The following IL1RAPL2 variants were observed in gnomAD, a reference collection of about 807,000 sequenced individuals.
IL1RAPL2 encodes X-linked interleukin-1 receptor accessory protein-like 2.
In IL1RAPL2, 3 loss-of-function variants were observed where a neutral mutation model predicts 44.1. The observed-to-expected ratio is 0.07, with a 90% CI of 0.03 to 0.18. IL1RAPL2 has a LOEUF of 0.18. IL1RAPL2 is among the 10% of genes least tolerant of loss of function. The pLI, the probability that IL1RAPL2 is intolerant of heterozygous loss-of-function variation, is 1.00. For synonymous variants in IL1RAPL2, 181 were observed against 178.8 expected (o/e 1.01, Z -0.10); for missense variants, 391 against 496.4 (o/e 0.79, Z 2.02).
chrX:105,664,123 G>T (rs955832647), intron 6 of IL1RAPL2, among the ~76,000 whole-genome samples: 6 of 111,906 alleles, frequency 5.4e-5, no homozygotes, highest in African/African-American at 1.6e-4. Context: ...TTTAGAAAGA[G>T]GTTTGGCTTT....
intron 3 of IL1RAPL2, among the ~76,000 whole-genome samples, chrX:105,202,589 A>G (rs137939571): frequency 8.6e-4 from 96 of 111,586 alleles, no homozygotes; most frequent in African/African-American, 3.0e-3. Context: ...TTTTTTCTAT[A>G]CCTTACCTCC....
intron 2 of IL1RAPL2, among the ~76,000 whole-genome samples, chrX:105,134,011 A>C (rs886357738): frequency 8.9e-6 from 1 of 111,822 alleles, no homozygotes; most frequent in Non-Finnish European, 1.9e-5. Context: ...TCACTTTTCT[A>C]TTTTAGTAAG....
chrX:105,766,339 T>A (rs890943519), intron 10 of IL1RAPL2, among the ~76,000 whole-genome samples: 7 of 111,419 alleles, frequency 6.3e-5, no homozygotes, highest in African/African-American at 2.3e-4. Flanking sequence ...AAGGGCATAA[T>A]GGAGAACCTA....
chrX:104,832,761 A>G (rs1052733689), intron 2 of IL1RAPL2, among the ~76,000 whole-genome samples: 1 of 111,301 alleles, frequency 9.0e-6, no homozygotes, highest in Non-Finnish European at 1.9e-5. Flanking sequence ...CATAGAAACA[A>G]TGCATTTTCT....
At chrX:105,548,267 AATT>A (rs2036822011) in intron 6 of IL1RAPL2, among the ~76,000 whole-genome samples, 1 of 109,976 alleles carries the variant, frequency 9.1e-6, no homozygotes, top group Non-Finnish European at 1.9e-5. Flanking sequence ...TATATATTGA[AATT>A]ATATATATAT....
rs147868024 is a variant in IL1RAPL2 at position 105,279,394 on chromosome X, C to T, written c.697+11853C>T. 4.4e-3 allele frequency among the ~76,000 whole-genome samples: 487 copies of T among 111,847 alleles called. 3 individuals carry two copies. Among genetic ancestry groups the T allele is most frequent in the South Asian group, 0.015 (40 of 2,655 alleles). The stretch of plus-strand genomic sequence containing the variant: ...TGTTTTTCCAAAGCCTGAGCCCCTC[C>T]CACTAGTAAATGCTTATAAAATTAT... On this transcript the variant is annotated intron_variant, in intron 5 of 10. Transcript: ENST00000372582.
intron 2 of IL1RAPL2, among the ~76,000 whole-genome samples, chrX:104,951,751 C>T (rs760322473): frequency 3.6e-5 from 4 of 112,300 alleles, no homozygotes; most frequent in Middle Eastern, 9.3e-3. Flanking sequence ...TCTTCAACTG[C>T]GTAGTTGGGC....
At chrX:104,829,369 C>T (rs967915607) in intron 2 of IL1RAPL2, among the ~76,000 whole-genome samples, 3 of 111,589 alleles carry the variant, frequency 2.7e-5, no homozygotes, top group Non-Finnish European at 5.7e-5. Flanking sequence ...CACGGCTTCC[C>T]TTGGCTAGGG....
intron 6 of IL1RAPL2, among the ~76,000 whole-genome samples, chrX:105,665,153 T>C (rs1453067822): frequency 9.0e-6 from 1 of 111,546 alleles, no homozygotes; most frequent in Non-Finnish European, 1.9e-5. Flanking sequence ...TGTGGATTTC[T>C]ACCTGCGTGT....
chrX:105,345,425 C>A lies in IL1RAPL2; in HGVS notation c.697+77884C>A, dbSNP rs186512130. Among the ~76,000 whole-genome samples the A allele has an allele frequency of 3.6e-5, 4 of 111,831 alleles. No homozygotes were observed. The Admixed American group carries it at 3.8e-4, about 11-fold the overall frequency. ...CTGTGTAACTTATAATGTATTTCTA[C>A]TATATAACATAGATGAGGTCGTGTT... On this transcript the variant is annotated intron_variant, in intron 5 of 10. Transcript: ENST00000372582.
chrX:104,950,386 C>T (rs1024037434), intron 2 of IL1RAPL2, among the ~76,000 whole-genome samples: 3 of 112,526 alleles, frequency 2.7e-5, no homozygotes, highest in Non-Finnish European at 5.6e-5. Context: ...CAGACAGGGA[C>T]GTTTAAGTCT....
chrX:105,688,832 G>C (rs1236367829), intron 6 of IL1RAPL2, among the ~76,000 whole-genome samples: 1 of 111,688 alleles, frequency 9.0e-6, no homozygotes, highest in African/African-American at 3.3e-5. Context: ...GTACTACAAG[G>C]CTACAGTAAC....
intron 2 of IL1RAPL2, among the ~76,000 whole-genome samples, chrX:105,074,032 G>A (rs2032250278): frequency 3.6e-5 from 4 of 111,549 alleles, no homozygotes; most frequent in African/African-American, 3.3e-5. Flanking sequence ...CTGTGCAGAA[G>A]CTCTTTAGTT....
rs537042651 is a variant in IL1RAPL2, at chrX:105,377,110, C to G, written c.698-107203C>G. 1.3e-4 allele frequency among the ~76,000 whole-genome samples: 15 copies of G among 111,730 alleles called. No individual in the cohort carries two copies. In the Admixed American group the frequency reaches 1.4e-3, roughly 11 times the overall value. The stretch of plus-strand genomic sequence containing the variant: ...CTTTCCCCAAATTTCTATAGTTACA[C>G]AAGCTTAGAGGATGTGTCTGTGTTG... On this transcript the variant is annotated intron_variant, in intron 5 of 10. Coordinates refer to ENST00000372582, the MANE Select transcript of IL1RAPL2 (RefSeq NM_017416.2).
At chrX:105,378,405 G>T (rs1261767238) in intron 5 of IL1RAPL2, among the ~76,000 whole-genome samples, 2 of 111,919 alleles carry the variant, frequency 1.8e-5, no homozygotes, top group Non-Finnish European at 3.8e-5. Flanking sequence ...ACTTATGAAA[G>T]ATGGAAGAGG....
chrX:105,175,122 CAGTG>C (rs2033460836), intron 2 of IL1RAPL2, among the ~76,000 whole-genome samples: 2 of 111,390 alleles, frequency 1.8e-5, no homozygotes, highest in East Asian at 2.8e-4. Context: ...GCTTAATACA[CAGTG>C]AGGAGTTAAG....
At chrX:105,030,721 A>C (rs1398499127) in intron 2 of IL1RAPL2, among the ~76,000 whole-genome samples, 1 of 111,560 alleles carries the variant, frequency 9.0e-6, no homozygotes, top group East Asian at 2.8e-4. Context: ...ATTGACTTGG[A>C]AATGTGGGCT....
intron 1 of IL1RAPL2, among the ~76,000 whole-genome samples, chrX:104,627,350 G>A (rs1176274960): frequency 2.7e-5 from 2 of 74,453 alleles, no homozygotes; most frequent in African/African-American, 5.2e-5. Context: ...GGGGGAGGGG[G>A]GAGGGAAAGC....
chrX:105,542,687 TA>T (rs1347047256), intron 6 of IL1RAPL2, among the ~76,000 whole-genome samples: 7 of 94,616 alleles, frequency 7.4e-5, no homozygotes, highest in African/African-American at 3.3e-4. Flanking sequence ...TTATTTTTTA[TA>T]TTTTTTATTT....
Sources: gnomAD v4.1 joint callset for allele counts (sites outside exome capture counted in the v4.1 genomes callset) on GRCh38, gnomAD v4.1.1 for gene constraint, MANE v1.5 for transcripts, NCBI Gene and HGNC (gene_info 2026-07-23, HGNC 2026-07-21) for gene names.